Variants in H1-8 observed in about 807,000 individuals in gnomAD.
H1-8 encodes the protein histone H1.8.
H1-8 carries 13 observed loss-of-function variants against 19.5 expected under a neutral mutation model. The observed-to-expected ratio is 0.67, with a 90% CI of 0.43 to 1.06. H1-8 has a LOEUF of 1.06. Ranked by LOEUF, H1-8 falls within the 50% of genes least tolerant of loss-of-function variation. H1-8 has a pLI of 0.00. For missense variants in H1-8, 432 were observed against 459.8 expected, an observed-to-expected ratio of 0.94 and a Z score of 0.55; for synonymous variants, 193 against 187.6, an observed-to-expected ratio of 1.03 and a Z score of -0.24.
At chr3:129,545,407 T>C (rs908844200) in intron 1 of H1-8, among the ~76,000 whole-genome samples, 9 of 152,224 alleles carry the variant, frequency 5.9e-5, no homozygotes, top group Non-Finnish European at 1.0e-4. Context: ...CCCCCACCCT[T>C]GATCCCACTT....
rs190723802 is a variant in H1-8, at chr3:129,546,893, C to T, written c.89-498C>T. Among the ~76,000 whole-genome samples, 4 of 152,320 alleles carry T rather than the reference C, an allele frequency of 2.6e-5. No homozygotes were observed. In the East Asian group the frequency reaches 7.7e-4, roughly 29 times the overall value. ...TTTAGATTGTTTTTCTAAAGGAATA[C>T]TCCATTCTTTAAAAAGAGAGATTTG... On this transcript the variant is annotated intron_variant, in intron 1 of 4. Transcript: ENST00000324382.
At chr3:129,548,960 C>A in intron 2 of H1-8, 41 bp from the exon 3 acceptor site, 1 of 1,553,692 alleles carries the variant, frequency 6.4e-7, no homozygotes. Context: ...CGTGAGGCAC[C>A]TGAGGCTCTG....
intron 2 of H1-8, chr3:129,548,451 G>A (rs1268805534): frequency 8.1e-6 from 8 of 987,346 alleles, no homozygotes; most frequent in South Asian, 4.7e-5. Context: ...TGTCTGATGC[G>A]GTGTGCTGGC....
At chr3:129,548,345 A>C in intron 2 of H1-8, 1 of 985,924 alleles carries the variant, frequency 1.0e-6, no homozygotes, top group Non-Finnish European at 1.2e-6. Context: ...AGAAAGTCCC[A>C]CCCTGGTAGA....
Position 129,549,051 on chromosome 3 carries a change from G to A in H1-8, c.429G>A (p.Ala143=), listed in dbSNP as rs374343374. Residue 143 remains alanine (A), a synonymous_variant, in exon 3 of 5, where the codon GCG becomes GCA. Transcript: ENST00000324382. Reference sequence around the variant, plus strand: ...TCCAGCCCAGGAAGATGGCCCCCGCGACGGCTCCCAGGAGAGCGGGTGAGG... The same window carrying A: ...TCCAGCCCAGGAAGATGGCCCCCGCAACGGCTCCCAGGAGAGCGGGTGAGG... ...KKIQPRKMAP[A]TAPRRAGEAK... The A allele has an allele frequency of 1.6e-4, 257 of 1,612,868 alleles. 1 individual carries two copies. Among genetic ancestry groups the A allele is most frequent in the Non-Finnish European group, 2.1e-4 (246 of 1,179,608 alleles).
At chr3:129,544,413 A>G (rs1407993838) in intron 1 of H1-8, among the ~76,000 whole-genome samples, 1 of 151,844 alleles carries the variant, frequency 6.6e-6, no homozygotes. Context: ...GTTGGAGAGG[A>G]GAGGCCAGAA....
At chr3:129,547,922 A>G (rs1200619294) in intron 2 of H1-8, among the ~76,000 whole-genome samples, 1 of 152,198 alleles carries the variant, frequency 6.6e-6, no homozygotes, top group African/African-American at 2.4e-5. Flanking sequence ...TTGGGATCCC[A>G]GGGCCTGTGT....
chr3:129,550,316 C>T (rs984116751), intron 3 of H1-8, among the ~76,000 whole-genome samples: 7 of 152,132 alleles, frequency 4.6e-5, no homozygotes, highest in South Asian at 4.1e-4. Context: ...GCAGGAGGAT[C>T]GCTTGAGCCT....
chr3:129,548,900 C>A, intron 2 of H1-8, 101 bp from the exon 3 acceptor site: 3 of 1,449,318 alleles, frequency 2.1e-6, no homozygotes, highest in Non-Finnish European at 2.8e-6. Flanking sequence ...TGTGGAGCCC[C>A]CCTGTTTGGA....
At chr3:129,549,723 G>A (rs1188405059) in intron 3 of H1-8, among the ~76,000 whole-genome samples, 1 of 152,192 alleles carries the variant, frequency 6.6e-6, no homozygotes, top group East Asian at 1.9e-4. Context: ...GGAGGCCAAG[G>A]CGGGCGGATC....
At position 129,549,211 on chromosome 3, in the gene H1-8, G is replaced by A. The variant is rs941490344; in HGVS notation, c.589G>A (p.Ala197Thr). 4 of 1,572,250 alleles carry A rather than the reference G, an allele frequency of 2.5e-6. No individual in the cohort carries two copies. The highest frequency in any genetic ancestry group is 2.6e-6 in the Non-Finnish European group (3 of 1,158,348). ...PPKPGAATEK[A>T]RKQGGAAKDT... ...CAAGCCAGGCGCAGCCACAGAGAAG[G>A]CTCGCAAGCAAGGCGGCGCGGCCAA... The change falls in exon 3 of 5, where the codon GCT (alanine) becomes ACT (threonine). Residue 197 changes from alanine to threonine, a missense_variant. Coordinates refer to ENST00000324382, the MANE Select transcript of H1-8 (RefSeq NM_153833.3).
chr3:129,547,790 G>C, intron 2 of H1-8, 110 bp downstream of exon 2: 1 of 1,032,002 alleles, frequency 9.7e-7, no homozygotes, highest in Middle Eastern at 3.2e-4. Context: ...CCCTGTCCTT[G>C]TTCCTCCTGT....
intron 1 of H1-8, 58 bp from the exon 2 acceptor site, chr3:129,547,333 G>A: frequency 2.8e-6 from 4 of 1,447,450 alleles, no homozygotes; most frequent in Non-Finnish European, 3.6e-6. Context: ...CGGGCCAGCT[G>A]ATGCCTGCCA....
rs1055366481 is a variant in H1-8, at chr3:129,543,376, C to A, written c.88+70C>A. ...TCCCTGGGTTGCCTTTGATGCTCCA[C>A]CCCTGCTTCTCGTTCTTTCCCAGCC... is the stretch of plus-strand genomic sequence containing the variant. On this transcript the variant is annotated intron_variant, in intron 1 of 4. Transcript: ENST00000324382. 6.2e-6 allele frequency: 7 copies of A among 1,133,318 alleles called. No individual in the cohort carries two copies. In the African/African-American group the frequency reaches 1.1e-4, roughly 17 times the overall value. The allele number at this position is 1,133,318 out of a possible 1,614,324, so 70.2% of individuals were successfully genotyped here.
Position 129,547,638 on chromosome 3 carries a change from G to A in H1-8, c.336G>A (p.Arg112=), listed in dbSNP as rs369548542. 7 of 1,547,230 alleles carry A rather than the reference G, an allele frequency of 4.5e-6. No homozygotes were observed. In the African/African-American group the frequency reaches 6.8e-5, roughly 15 times the overall value. Residue 112 remains arginine (R), a synonymous_variant, in exon 2 of 5, where the codon AGG becomes AGA. Transcript: ENST00000324382. ...GCATGCGCCGTGGCCTCCTCGCCAG[G>A]CCCCTCAACTCCAAAGCCAGGGGGG... ...ATGMRRGLLA[R]PLNSKARGAT...
chr3:129,545,771 G>A (rs751499154), intron 1 of H1-8, among the ~76,000 whole-genome samples: 2 of 152,120 alleles, frequency 1.3e-5, no homozygotes, highest in Non-Finnish European at 2.9e-5. Context: ...TCCTTTGTAT[G>A]GCTGGATAAT....
At chr3:129,547,266 CAG>C (rs2084895334) in intron 1 of H1-8, 123 bp from the exon 2 acceptor site, 1 of 961,342 alleles carries the variant, frequency 1.0e-6, no homozygotes, top group African/African-American at 1.7e-5. Flanking sequence ...TGCCAGCGGT[CAG>C]TGTCTTGGGG....
intron 3 of H1-8, among the ~76,000 whole-genome samples, chr3:129,550,105 A>G (rs150126548): frequency 3.5e-4 from 54 of 152,328 alleles, no homozygotes; most frequent in Non-Finnish European, 4.7e-4. Flanking sequence ...TCTGACAGGA[A>G]GCAGCTAGGG....
chr3:129,549,423 C>A, intron 3 of H1-8, 59 bp downstream of exon 3: 1 of 1,266,796 alleles, frequency 7.9e-7, no homozygotes, highest in Non-Finnish European at 1.0e-6. Context: ...GCCACTGGAG[C>A]GGGGGCGGGG....
Sources: gnomAD v4.1 joint callset for allele counts (sites outside exome capture counted in the v4.1 genomes callset) on GRCh38, gnomAD v4.1.1 for gene constraint, MANE v1.5 for transcripts, NCBI Gene and HGNC (gene_info 2026-07-23, HGNC 2026-07-21) for gene names.